The following CCDC178 variants were observed in gnomAD, a reference collection of about 807,000 sequenced individuals.
The protein encoded by CCDC178 is coiled-coil domain containing 178, also known as coiled-coil domain-containing protein 178.
Under a neutral mutation model 117.4 loss-of-function variants are expected in CCDC178, and 126 were observed. The ratio of observed to expected loss-of-function variants is 1.07; its 90% confidence interval spans 0.93 to 1.24. CCDC178 has a LOEUF of 1.24. Among genes scored for constraint, CCDC178 ranks in the 50% most tolerant of loss-of-function variants. CCDC178 has a pLI of 0.00. For missense variants in CCDC178, 1,030 were observed against 986.9 expected (o/e 1.04, Z -0.59); for synonymous variants, 283 against 313.4 (o/e 0.90, Z 1.02).
At chr18:32,986,241 C>G (rs563837895) in intron 21 of CCDC178, among the ~76,000 whole-genome samples, 1 of 152,098 alleles carries the variant, frequency 6.6e-6, no homozygotes, top group East Asian at 1.9e-4. Flanking sequence ...ATGAGAGAAT[C>G]TGGAGAACCA....
intron 22 of CCDC178, among the ~76,000 whole-genome samples, chr18:32,947,586 T>C (rs1275196372): frequency 6.6e-6 from 1 of 152,160 alleles, no homozygotes; most frequent in African/African-American, 2.4e-5. Flanking sequence ...TGAAAGTTTC[T>C]TTTTTTAACA....
intron 21 of CCDC178, among the ~76,000 whole-genome samples, chr18:33,006,818 T>C (rs925343991): frequency 2.0e-5 from 3 of 151,964 alleles, no homozygotes; most frequent in African/African-American, 7.2e-5. Context: ...ATTGTGAGGG[T>C]CTCTAGAAGA....
At chr18:33,268,194 C>T (rs185285515) in intron 12 of CCDC178, among the ~76,000 whole-genome samples, 249 of 151,694 alleles carry the variant, frequency 1.6e-3, no homozygotes, top group Non-Finnish European at 3.0e-3. Context: ...CAAAAGGTAT[C>T]TGAAAAATAA....
intron 18 of CCDC178, among the ~76,000 whole-genome samples, chr18:33,220,208 A>G (rs1171131460): frequency 2.0e-5 from 3 of 152,116 alleles, no homozygotes; most frequent in Non-Finnish European, 4.4e-5. Flanking sequence ...TCTACTTTGT[A>G]GAAAAGGCAA....
chr18:32,989,152 G>A lies in CCDC178; in HGVS notation c.2389-14471C>T, dbSNP rs117794611. Among the ~76,000 whole-genome samples the A allele has an allele frequency of 2.7e-3, 418 of 152,174 alleles. 3 individuals are homozygous for A. The highest frequency in any genetic ancestry group is 6.9e-3 in the Admixed American group (105 of 15,292). On this transcript the variant is annotated intron_variant, in intron 21 of 22. Coordinates refer to ENST00000383096, the MANE Select transcript of CCDC178 (RefSeq NM_001105528.4). The stretch of plus-strand genomic sequence containing the variant: ...ACATGAAAACTAATATCCAATAAAT[G>A]CAGTAAAAAAACCAAAAAGTATAAT...
rs78945274 is a variant in CCDC178, at chr18:33,374,252, C to A, written c.209-4063G>T. On this transcript the variant is annotated intron_variant, in intron 5 of 22. Transcript: ENST00000383096. ...GCCCCTCTGACATATGGCATAGAATCCCTGACCAATAACTTCTACCCAGAA... is the reference window on the plus strand; with the variant it reads ...GCCCCTCTGACATATGGCATAGAATACCTGACCAATAACTTCTACCCAGAA... Among the ~76,000 whole-genome samples the A allele has an allele frequency of 1.2e-3, 190 of 152,244 alleles. 2 individuals are homozygous for A. Among genetic ancestry groups the A allele is most frequent in the African/African-American group, 4.3e-3 (180 of 41,552 alleles).
intron 14 of CCDC178, among the ~76,000 whole-genome samples, chr18:33,246,230 G>A (rs947360108): frequency 1.3e-5 from 2 of 151,806 alleles, no homozygotes; most frequent in Non-Finnish European, 2.9e-5. Flanking sequence ...GATATTAACT[G>A]GAGCGGTATC....
At chr18:33,022,729 C>G (rs1002383404) in intron 21 of CCDC178, among the ~76,000 whole-genome samples, 1 of 152,058 alleles carries the variant, frequency 6.6e-6, no homozygotes, top group African/African-American at 2.4e-5. Context: ...CAGACTTATT[C>G]TCTAACATTA....
intron 12 of CCDC178, among the ~76,000 whole-genome samples, chr18:33,291,873 C>A (rs1330586786): frequency 6.6e-6 from 1 of 152,068 alleles, no homozygotes; most frequent in Non-Finnish European, 1.5e-5. Context: ...AAACTGCACA[C>A]CCCAGTTAGA....
intron 21 of CCDC178, among the ~76,000 whole-genome samples, chr18:33,053,546 AAG>A (rs2056779723): frequency 6.6e-6 from 1 of 152,220 alleles, no homozygotes; most frequent in Non-Finnish European, 1.5e-5. Flanking sequence ...ACTCCAAAAT[AAG>A]AGTTTCCAGG....
intron 20 of CCDC178, 127 bp downstream of exon 20, chr18:33,211,769 G>T: frequency 7.3e-6 from 5 of 685,672 alleles, no homozygotes. Context: ...GGTTTATTAT[G>T]TTAACAAATT....
At chr18:32,945,791 G>A (rs910829152) in intron 22 of CCDC178, among the ~76,000 whole-genome samples, 21 of 152,146 alleles carry the variant, frequency 1.4e-4, no homozygotes, top group African/African-American at 4.6e-4. Context: ...ATGCAGAGAC[G>A]ACTATAACTT....
In CCDC178 at chr18:33,056,210, C is replaced by T. The variant is rs537021159; in HGVS notation, c.2388+36551G>A. Among the ~76,000 whole-genome samples, 3 of 152,302 alleles carry T rather than the reference C, an allele frequency of 2.0e-5. No individual in the cohort carries two copies. In the East Asian group the frequency reaches 5.8e-4, roughly 29 times the overall value. On this transcript the variant is annotated intron_variant, in intron 21 of 22. Transcript: ENST00000383096. ...AAATGTCAATTCTACCATCATCTGGCTTCTGCCTTCATCTTAGTGGGGAGA... is the reference window on the plus strand; with the variant it reads ...AAATGTCAATTCTACCATCATCTGGTTTCTGCCTTCATCTTAGTGGGGAGA...
chr18:33,427,093 CCA>C (rs1192363698), intron 2 of CCDC178, among the ~76,000 whole-genome samples: 4 of 151,958 alleles, frequency 2.6e-5, no homozygotes, highest in African/African-American at 9.7e-5. Context: ...GGAAAATATT[CCA>C]GTTTTCAAGA....
intron 5 of CCDC178, among the ~76,000 whole-genome samples, chr18:33,383,731 T>C (rs1236467497): frequency 2.6e-5 from 4 of 152,082 alleles, no homozygotes; most frequent in African/African-American, 7.2e-5. Flanking sequence ...AGATCAATGG[T>C]AGATAAATCC....
chr18:32,956,787 T>G (rs1210366830), intron 22 of CCDC178: 1 of 152,214 alleles, frequency 6.6e-6, no homozygotes, highest in African/African-American at 2.4e-5. Context: ...ACAAAATGAC[T>G]ACAGAATTCT....
At chr18:33,376,108 C>G (rs935635721) in intron 5 of CCDC178, among the ~76,000 whole-genome samples, 2 of 152,140 alleles carry the variant, frequency 1.3e-5, no homozygotes, top group African/African-American at 2.4e-5. Context: ...ATTACTTCTC[C>G]CCACTCCTGA....
intron 21 of CCDC178, among the ~76,000 whole-genome samples, chr18:33,015,268 A>C (rs1053874793): frequency 6.6e-6 from 1 of 151,542 alleles, no homozygotes; most frequent in Non-Finnish European, 1.5e-5. Context: ...AAGAAGAAAA[A>C]AAAAAAAAAG....
rs139781630 is a variant in CCDC178 at position 32,995,905 on chromosome 18, TTATCTATATCTA to T, written c.2389-21236_2389-21225del. ...TGTAAATCTTTCTGATCCTACAATT[TTATCTATATCTA>T]TATCTATATCTATATCTATATCTAT... On this transcript the variant is annotated intron_variant, in intron 21 of 22. Transcript: ENST00000383096. 5.4e-3 allele frequency among the ~76,000 whole-genome samples: 794 copies of T among 145,722 alleles called. 8 individuals are homozygous for T. Among genetic ancestry groups the T allele is most frequent in the African/African-American group, 0.019 (757 of 39,760 alleles).
Sources: allele counts gnomAD v4.1 joint callset (sites outside exome capture counted in the v4.1 genomes callset), GRCh38; gene constraint gnomAD v4.1.1; transcripts MANE v1.5; gene names NCBI Gene and HGNC (gene_info 2026-07-23, HGNC 2026-07-21).